The following NRXN1 variants were observed in gnomAD, a reference collection of about 807,000 sequenced individuals.
NRXN1 encodes the protein neurexin 1.
NRXN1 carries 39 observed loss-of-function variants against 150.9 expected under a neutral mutation model. That is an observed-to-expected ratio of 0.26 (90% confidence interval 0.20 to 0.34). The LOEUF is 0.34. Among genes scored for constraint, NRXN1 ranks in the 10% least tolerant of loss-of-function variants. NRXN1 has a pLI of 1.00. For missense variants in NRXN1, 1,815 were observed against 1,949.9 expected, an observed-to-expected ratio of 0.93 and a Z score of 1.30; for synonymous variants, 924 against 757.0, an observed-to-expected ratio of 1.22 and a Z score of -3.62.
At chr2:50,660,656 T>A (rs1489696755) in intron 5 of NRXN1, among the ~76,000 whole-genome samples, 2 of 152,066 alleles carry the variant, frequency 1.3e-5, no homozygotes, top group African/African-American at 4.8e-5. Context: ...CAAGACCGAC[T>A]GCTGGTTTAC....
chr2:50,256,953 A>T (rs935843381), intron 17 of NRXN1, among the ~76,000 whole-genome samples: 5 of 152,092 alleles, frequency 3.3e-5, no homozygotes, highest in African/African-American at 1.2e-4. Context: ...ATTATGTGAG[A>T]AAAAAGAATC....
intron 2 of NRXN1, among the ~76,000 whole-genome samples, chr2:50,956,183 A>G (rs1692254648): frequency 6.6e-6 from 1 of 152,322 alleles, no homozygotes; most frequent in East Asian, 1.9e-4. Context: ...TCACATTCAC[A>G]TAATTTTTAT....
chr2:50,877,263 T>C (rs1288533319), intron 5 of NRXN1, among the ~76,000 whole-genome samples: 3 of 151,790 alleles, frequency 2.0e-5, no homozygotes, highest in African/African-American at 7.2e-5. Flanking sequence ...CAGTTTATTT[T>C]TTCTATTGAT....
intron 5 of NRXN1, among the ~76,000 whole-genome samples, chr2:50,783,397 C>T (rs138898909): frequency 1.2e-4 from 18 of 152,198 alleles, no homozygotes; most frequent in Non-Finnish European, 4.4e-5. Flanking sequence ...AATTTTGGAA[C>T]ATATTTGGCT....
intron 12 of NRXN1, among the ~76,000 whole-genome samples, chr2:50,513,982 G>C (rs189724694): frequency 8.1e-4 from 123 of 152,112 alleles, no homozygotes; most frequent in Admixed American, 2.9e-3. Context: ...CTATCTTTAT[G>C]GTGTACCCTG....
At chr2:50,511,766 T>G (rs950556849) in intron 12 of NRXN1, among the ~76,000 whole-genome samples, 2 of 151,982 alleles carry the variant, frequency 1.3e-5, no homozygotes, top group African/African-American at 4.8e-5. Context: ...TGTATGTGGG[T>G]GTGTGTGTGT....
chr2:50,821,244 A>G (rs1669674621), intron 5 of NRXN1, among the ~76,000 whole-genome samples: 1 of 152,190 alleles, frequency 6.6e-6, no homozygotes, highest in Non-Finnish European at 1.5e-5. Flanking sequence ...AATGCAGCCC[A>G]ACACAAATTC....
chr2:50,656,191 C>T (rs530544025), intron 5 of NRXN1, among the ~76,000 whole-genome samples: 1 of 152,066 alleles, frequency 6.6e-6, no homozygotes, highest in Non-Finnish European at 1.5e-5. Context: ...CACTTCACCC[C>T]CTGCCCCCAA....
intron 5 of NRXN1, among the ~76,000 whole-genome samples, chr2:50,847,559 T>TGCCCAAATGTTGCATTTCCC (rs1159642148): frequency 2.0e-5 from 3 of 152,164 alleles, no homozygotes; most frequent in East Asian, 3.9e-4. Flanking sequence ...AGGCATTTCC[T>TGCCCAAATGTTGCATTTCCC]GCCCAAATGT....
At chr2:50,006,024 G>T (rs1400578731) in intron 21 of NRXN1, among the ~76,000 whole-genome samples, 1 of 151,912 alleles carries the variant, frequency 6.6e-6, no homozygotes, top group African/African-American at 2.4e-5. Context: ...GACACACCTT[G>T]GTTGTCTACC....
chr2:50,346,932 G>A lies in NRXN1; in HGVS notation c.3365-109962C>T. ...GCGAGCCCAGCTCGGCGCCGCACCGGAGCATCCTCTGGTACATGGCGGGGC... is the reference window on the plus strand; with the variant it reads ...GCGAGCCCAGCTCGGCGCCGCACCGAAGCATCCTCTGGTACATGGCGGGGC... On this transcript the variant is annotated intron_variant, in intron 17 of 22. Transcript: ENST00000401669. This position sits in a 1 kb window ranked among gnomAD's most constrained non-coding sequence, Gnocchi z 5.0. 7.5e-7 allele frequency: 1 copy of A among 1,328,356 alleles called. No homozygotes were observed. Among genetic ancestry groups the A allele is most frequent in the Non-Finnish European group, 9.6e-7 (1 of 1,039,214 alleles). The allele number at this position is 1,328,356 out of a possible 1,614,324, so 82.3% of individuals were successfully genotyped here.
intron 18 of NRXN1, among the ~76,000 whole-genome samples, chr2:50,156,439 A>AT (rs1277867033): frequency 9.2e-5 from 14 of 151,820 alleles, no homozygotes; most frequent in Non-Finnish European, 2.1e-4. Flanking sequence ...TTCTTACTTT[A>AT]TTTTTTGTCC....
chr2:50,480,386 G>C (rs1266435192), intron 15 of NRXN1, among the ~76,000 whole-genome samples: 1 of 152,004 alleles, frequency 6.6e-6, no homozygotes, highest in Non-Finnish European at 1.5e-5. Flanking sequence ...GTTTCATTCT[G>C]GCTCTATGCT....
intron 18 of NRXN1, among the ~76,000 whole-genome samples, chr2:50,139,838 T>C (rs1292828656): frequency 6.6e-6 from 1 of 152,190 alleles, no homozygotes; most frequent in African/African-American, 2.4e-5. Flanking sequence ...AAAAATATGA[T>C]AATTTATAAT....
intron 18 of NRXN1, among the ~76,000 whole-genome samples, chr2:50,133,695 A>G (rs1558946831): frequency 6.6e-6 from 1 of 152,210 alleles, no homozygotes; most frequent in Non-Finnish European, 1.5e-5. Context: ...TTTCTCTAGG[A>G]AGTACTTATA....
intron 17 of NRXN1, among the ~76,000 whole-genome samples, chr2:50,257,531 C>CA (rs1407169500): frequency 5.9e-5 from 9 of 151,968 alleles, no homozygotes; most frequent in Admixed American, 5.3e-4. Context: ...ATGTCTTTCT[C>CA]AAGGGCCTAG....
intron 18 of NRXN1, among the ~76,000 whole-genome samples, chr2:50,093,442 T>C (rs1699834171): frequency 7.1e-6 from 1 of 141,582 alleles, no homozygotes; most frequent in African/African-American, 2.7e-5. Flanking sequence ...CATAGCAAGA[T>C]CTCGTCTTTA....
At chr2:50,851,754 GA>G (rs1674550215) in intron 5 of NRXN1, among the ~76,000 whole-genome samples, 1 of 151,976 alleles carries the variant, frequency 6.6e-6, no homozygotes, top group Non-Finnish European at 1.5e-5. Flanking sequence ...AAAAAAAATA[GA>G]ACAAAAACAT....
intron 5 of NRXN1, among the ~76,000 whole-genome samples, chr2:50,765,993 C>T (rs1702338323): frequency 6.6e-6 from 1 of 151,968 alleles, no homozygotes; most frequent in African/African-American, 2.4e-5. Context: ...TTTGAAAGTC[C>T]TGGCCCTTTG....
Sources: allele counts gnomAD v4.1 joint callset (sites outside exome capture counted in the v4.1 genomes callset), GRCh38; gene constraint gnomAD v4.1.1; non-coding constraint Gnocchi (gnomAD v3.1); transcripts MANE v1.5; gene names NCBI Gene and HGNC (gene_info 2026-07-23, HGNC 2026-07-21).